Variants in BBX observed in about 807,000 individuals in gnomAD.
BBX encodes the protein HMG box transcription factor BBX.
BBX carries 30 observed loss-of-function variants against 100.2 expected under a neutral mutation model. The observed-to-expected ratio is 0.30, with a 90% CI of 0.22 to 0.41. The LOEUF (loss-of-function observed/expected upper bound fraction) is 0.41, where lower values mean the gene tolerates loss of function less well. Ranked by LOEUF, BBX falls within the 10% of genes least tolerant of loss-of-function variation. The probability of loss-of-function intolerance (pLI) is 1.00; values close to 1 mark genes in which losing one functional copy is unlikely to be tolerated. For synonymous variants in BBX, 376 were observed against 388.1 expected, an observed-to-expected ratio of 0.97 and a Z score of 0.37; for missense variants, 1,023 against 1,129.8, an observed-to-expected ratio of 0.91 and a Z score of 1.35.
At chr3:107,523,592 C>T (rs2047522047) in intron 1 of BBX, 1 of 152,588 alleles carries the variant, frequency 6.6e-6, no homozygotes, top group East Asian at 1.9e-4. Flanking sequence ...ACAACAGAGC[C>T]CTCACGCCGG....
chr3:107,572,511 T>G (rs1446058377), intron 2 of BBX, among the ~76,000 whole-genome samples: 1 of 152,170 alleles, frequency 6.6e-6, no homozygotes, highest in Non-Finnish European at 1.5e-5. Flanking sequence ...TAATTACAGG[T>G]AAACTCTCAG....
Position 107,719,496 on chromosome 3 carries a change from T to C in BBX, c.405+2647T>C, listed in dbSNP as rs958382737. Among the ~76,000 whole-genome samples the C allele has an allele frequency of 5.9e-5, 9 of 152,160 alleles. 2 individuals carry two copies. The highest frequency in any genetic ancestry group is 5.9e-4 in the Admixed American group (9 of 15,236). Reference sequence around the variant, plus strand: ...CCTTTCCTTCCTCCTGATTATCTTATTGCATCTGGTAAGACAAAGCACCTG... The same window carrying C: ...CCTTTCCTTCCTCCTGATTATCTTACTGCATCTGGTAAGACAAAGCACCTG... On this transcript the variant is annotated intron_variant, in intron 5 of 17. Coordinates refer to ENST00000325805, the MANE Select transcript of BBX (RefSeq NM_001142568.3).
intron 5 of BBX, among the ~76,000 whole-genome samples, chr3:107,718,759 G>C (rs1023549486): frequency 2.0e-5 from 3 of 152,026 alleles, no homozygotes; most frequent in African/African-American, 7.2e-5. Context: ...CACAATATTT[G>C]CCAATGTGGC....
chr3:107,741,410 G>A (rs1264996602), intron 7 of BBX, among the ~76,000 whole-genome samples: 2 of 152,086 alleles, frequency 1.3e-5, no homozygotes, highest in Non-Finnish European at 2.9e-5. Flanking sequence ...TCAAAGAGAG[G>A]ATTGAATTTG....
At chr3:107,598,370 T>C (rs2053812261) in intron 2 of BBX, among the ~76,000 whole-genome samples, 1 of 152,192 alleles carries the variant, frequency 6.6e-6, no homozygotes, top group Non-Finnish European at 1.5e-5. Context: ...GTTTTCCAGA[T>C]CAGGAGTGAC....
At chr3:107,738,004 A>T (rs2063780141) in intron 7 of BBX, among the ~76,000 whole-genome samples, 1 of 142,230 alleles carries the variant, frequency 7.0e-6, no homozygotes, top group South Asian at 2.2e-4. Context: ...CTTTAGCATT[A>T]TGTTGGCACT....
intron 2 of BBX, among the ~76,000 whole-genome samples, chr3:107,565,461 T>TTATTTATTTA (rs1187164798): frequency 6.8e-6 from 1 of 147,930 alleles, no homozygotes; most frequent in African/African-American, 2.5e-5. Context: ...ATTTATTTAT[T>TTATTTATTTA]TATTTATTTA....
intron 5 of BBX, 121 bp downstream of exon 5, chr3:107,716,970 G>A (rs894864853): frequency 1.6e-6 from 2 of 1,269,592 alleles, no homozygotes; most frequent in South Asian, 1.5e-5. Flanking sequence ...TAAATGAGAT[G>A]TTAAGTAAAA....
chr3:107,757,340 G>C (rs1031338740), intron 10 of BBX, among the ~76,000 whole-genome samples: 2 of 151,946 alleles, frequency 1.3e-5, no homozygotes, highest in East Asian at 3.9e-4. Flanking sequence ...TCATTAAAAA[G>C]AACACTCTTC....
At chr3:107,714,834 G>A (rs2061987759) in intron 4 of BBX, among the ~76,000 whole-genome samples, 1 of 151,954 alleles carries the variant, frequency 6.6e-6, no homozygotes, top group Non-Finnish European at 1.5e-5. Context: ...TCACCAGGCT[G>A]GAGTGTAGTG....
intron 2 of BBX, among the ~76,000 whole-genome samples, chr3:107,584,957 G>A (rs1351796619): frequency 6.6e-6 from 1 of 151,980 alleles, no homozygotes; most frequent in African/African-American, 2.4e-5. Context: ...GATTACAGGT[G>A]TGAGCCACCA....
chr3:107,564,812 AT>A (rs766909684), intron 2 of BBX, among the ~76,000 whole-genome samples: 1 of 152,032 alleles, frequency 6.6e-6, no homozygotes, highest in Non-Finnish European at 1.5e-5. Flanking sequence ...TCTTTTCACA[AT>A]TTTTTGGCTA....
rs753719302 is a variant in BBX at position 107,748,086 on chromosome 3, C to T, written c.825+47C>T. The T allele has an allele frequency of 2.7e-6, 4 of 1,477,504 alleles. No homozygotes were observed. The African/African-American group carries it at 5.6e-5, about 21-fold the overall frequency. 91.5% of individuals were successfully genotyped at this position (1,477,504 alleles called of 1,614,324 possible). A position where few individuals can be genotyped will look rare whatever the true frequency, so the allele number is the denominator to read the frequency against. On this transcript the variant is annotated intron_variant, in intron 9 of 17. Transcript: ENST00000325805. ...TTTTAGGCTAAGAAAACTTGTTGAG[C>T]TCAGGAATACTGGAATGGAGTTTTA...
At chr3:107,793,077 G>A (rs1275261692) in intron 15 of BBX, among the ~76,000 whole-genome samples, 3 of 152,122 alleles carry the variant, frequency 2.0e-5, no homozygotes, top group African/African-American at 7.2e-5. Flanking sequence ...TATAATTTGT[G>A]TGTTTAGAGA....
At chr3:107,667,875 C>T (rs144499443) in intron 3 of BBX, among the ~76,000 whole-genome samples, 2,809 of 151,976 alleles carry the variant, frequency 0.018, 93 homozygotes, top group African/African-American at 0.064. Flanking sequence ...CATTTTGTCT[C>T]GTAGTTTGTA....
intron 2 of BBX, among the ~76,000 whole-genome samples, chr3:107,637,308 TCTCTG>T (rs1009068119): frequency 5.9e-5 from 9 of 152,324 alleles, no homozygotes; most frequent in Admixed American, 5.9e-4. Context: ...CAAGAAACAT[TCTCTG>T]ACTGAGCATT....
chr3:107,556,006 T>G lies in BBX; in HGVS notation c.-84+29608T>G, dbSNP rs116199919. ...GGGCATTATGGCAAGTAGGAGGCTT[T>G]GAAGTTTATCCCTGATCTTGTGAGG... On this transcript the variant is annotated intron_variant, in intron 2 of 17. Transcript: ENST00000325805. 5.6e-3 allele frequency among the ~76,000 whole-genome samples: 858 copies of G among 152,290 alleles called. 7 individuals are homozygous for G. Among genetic ancestry groups the G allele is most frequent in the African/African-American group, 0.02 (826 of 41,554 alleles).
chr3:107,729,310 A>G (rs1296424910), intron 6 of BBX, among the ~76,000 whole-genome samples: 1 of 152,104 alleles, frequency 6.6e-6, no homozygotes, highest in Non-Finnish European at 1.5e-5. Context: ...CCCAGGATGC[A>G]CCTTAGTTAT....
At chr3:107,541,672 T>C (rs1032785564) in intron 2 of BBX, among the ~76,000 whole-genome samples, 2 of 152,046 alleles carry the variant, frequency 1.3e-5, no homozygotes, top group African/African-American at 4.8e-5. Context: ...CCCCCCCCCA[T>C]GAGACATATT....
Sources: gnomAD v4.1 joint callset for allele counts (sites outside exome capture counted in the v4.1 genomes callset) on GRCh38, gnomAD v4.1.1 for gene constraint, MANE v1.5 for transcripts, NCBI Gene and HGNC (gene_info 2026-07-23, HGNC 2026-07-21) for gene names.